PLCB1: variants seen among roughly 807,000 people sequenced by gnomAD.
PLCB1 encodes phospholipase C beta 1.
In PLCB1, 46 loss-of-function variants were observed where a neutral mutation model predicts 161.8. The ratio of observed to expected loss-of-function variants is 0.28; its 90% CI spans 0.22 to 0.36. PLCB1 has a LOEUF of 0.36. PLCB1 is among the 10% of genes least tolerant of loss of function. The pLI is 1.00. For synonymous variants in PLCB1, 517 were observed against 503.7 expected, an observed-to-expected ratio of 1.03 and a Z score of -0.35; for missense variants, 1,016 against 1,472.5, an observed-to-expected ratio of 0.69 and a Z score of 5.07.
At chr20:8,689,594 T>G (rs6039235) in intron 10 of PLCB1, among the ~76,000 whole-genome samples, 99,733 of 151,658 alleles carry the variant, frequency 0.66, 33,876 homozygotes, top group South Asian at 0.78. Flanking sequence ...TAACTCATTT[T>G]CTTTACTGAA....
At chr20:8,391,189 G>A (rs187273312) in intron 3 of PLCB1, among the ~76,000 whole-genome samples, 207 of 151,090 alleles carry the variant, frequency 1.4e-3, no homozygotes, top group Non-Finnish European at 2.2e-3. Context: ...CTATGTATAA[G>A]AGATTTATAC....
In PLCB1 at chr20:8,442,625, A is replaced by G. The variant is rs77920470; in HGVS notation, c.246+71175A>G. 4.4e-3 allele frequency among the ~76,000 whole-genome samples: 672 copies of G among 152,358 alleles called. 7 individuals carry two copies. The highest frequency in any genetic ancestry group is 0.015 in the African/African-American group (615 of 41,582). The stretch of plus-strand genomic sequence containing the variant: ...GCTCAGTCCAATGAATATCTGTAAC[A>G]AAGGGTTAGTGAAATCCCAGTCCAA... On this transcript the variant is annotated intron_variant, in intron 3 of 31. Transcript: ENST00000338037.
chr20:8,523,382 C>G (rs1203421511), intron 3 of PLCB1, among the ~76,000 whole-genome samples: 1 of 128,966 alleles, frequency 7.8e-6, no homozygotes, highest in Non-Finnish European at 1.6e-5. Flanking sequence ...TGCAAATGAT[C>G]CTGATCATAA....
intron 9 of PLCB1, among the ~76,000 whole-genome samples, chr20:8,661,031 C>T (rs1462978536): frequency 2.0e-5 from 3 of 152,118 alleles, no homozygotes; most frequent in Non-Finnish European, 4.4e-5. Flanking sequence ...ACCTGCAAAG[C>T]ATTTGGAAAG....
chr20:8,660,139 G>A (rs1448634892), intron 9 of PLCB1, among the ~76,000 whole-genome samples: 1 of 151,806 alleles, frequency 6.6e-6, no homozygotes, highest in African/African-American at 2.4e-5. Context: ...TGCCTTTGTT[G>A]TTGTTATCAT....
intron 4 of PLCB1, among the ~76,000 whole-genome samples, chr20:8,637,053 G>A (rs553410226): frequency 6.0e-5 from 9 of 150,454 alleles, no homozygotes; most frequent in South Asian, 4.2e-4. Flanking sequence ...AAAAATCACC[G>A]TGACTTTTTG....
intron 18 of PLCB1, among the ~76,000 whole-genome samples, chr20:8,730,091 A>G (rs1037562160): frequency 1.3e-5 from 2 of 151,830 alleles, no homozygotes; most frequent in Admixed American, 1.3e-4. Context: ...GTTGATTTAT[A>G]ACAGCACTTT....
intron 3 of PLCB1, among the ~76,000 whole-genome samples, chr20:8,396,723 C>T (rs552446853): frequency 3.9e-5 from 6 of 152,092 alleles, no homozygotes; most frequent in Non-Finnish European, 7.4e-5. Flanking sequence ...TATACACAAT[C>T]GTCTGTTTAT....
At chr20:8,603,788 C>A (rs1290439555) in intron 3 of PLCB1, among the ~76,000 whole-genome samples, 1 of 152,180 alleles carries the variant, frequency 6.6e-6, no homozygotes, top group Non-Finnish European at 1.5e-5. Flanking sequence ...ACATTAACAG[C>A]TTTCAATTTT....
intron 3 of PLCB1, among the ~76,000 whole-genome samples, chr20:8,456,957 G>A (rs1600414504): frequency 1.3e-5 from 2 of 152,272 alleles, no homozygotes; most frequent in South Asian, 4.1e-4. Flanking sequence ...TGGGGGTTAG[G>A]ATTTCAACAT....
intron 5 of PLCB1, among the ~76,000 whole-genome samples, chr20:8,647,036 T>G (rs533995733): frequency 1.3e-5 from 2 of 152,308 alleles, no homozygotes; most frequent in Admixed American, 1.3e-4. Context: ...ATGAATTCCT[T>G]TTGCTTTTAG....
At position 8,400,682 on chromosome 20, in the gene PLCB1, C is replaced by A. The variant is rs190387478; in HGVS notation, c.246+29232C>A. On this transcript the variant is annotated intron_variant, in intron 3 of 31. Transcript: ENST00000338037. ...TTAGCAATTTGTTGCAGAAATTATG[C>A]CGTGTCAGCACAAATACAAGTCCTC... Among the ~76,000 whole-genome samples the A allele has an allele frequency of 4.2e-4, 64 of 152,192 alleles. No homozygotes were observed. In the East Asian group the frequency reaches 0.011, roughly 26 times the overall value.
chr20:8,177,674 A>G (rs1380514150), intron 2 of PLCB1, among the ~76,000 whole-genome samples: 1 of 152,082 alleles, frequency 6.6e-6, no homozygotes, highest in Non-Finnish European at 1.5e-5. Flanking sequence ...TTGTTCTGGT[A>G]TGTGATTCAG....
intron 1 of PLCB1, 65 bp from the exon 2 acceptor site, chr20:8,150,229 A>T: frequency 1.5e-6 from 1 of 679,270 alleles, no homozygotes; most frequent in Non-Finnish European, 2.5e-6. Context: ...CTTCTTAAAT[A>T]ACTCCTGGAT....
chr20:8,148,737 C>A (rs2051479794), intron 1 of PLCB1, among the ~76,000 whole-genome samples: 1 of 152,194 alleles, frequency 6.6e-6, no homozygotes, highest in Admixed American at 6.5e-5. Context: ...GGAGATATGA[C>A]ACATGCTCCA....
rs1243067766 is a variant in PLCB1, at chr20:8,132,671, G to C, written c.20G>C (p.Gly7Ala). ...GCCCAGATGGCCGGGGCTCAACCCG[G>C]AGTGCACGCCTTGCAACTCAAGCCC... MAGAQP[G>A]VHALQLKPVC... The change falls in exon 1 of 32, where the codon GGA becomes GCA. Residue 7 changes from glycine (G) to alanine (A), a missense_variant. Transcript: ENST00000338037. The surrounding 1 kb of genome is among the most constrained non-coding windows in gnomAD (Gnocchi z 5.2). 1 of 1,612,204 alleles carries C rather than the reference G, an allele frequency of 6.2e-7. No individual in the cohort carries two copies. The highest frequency in any genetic ancestry group is 2.2e-5 in the East Asian group (1 of 44,784).
At chr20:8,728,514 G>A (rs904765940) in intron 17 of PLCB1, among the ~76,000 whole-genome samples, 4 of 152,032 alleles carry the variant, frequency 2.6e-5, no homozygotes, top group African/African-American at 9.7e-5. Context: ...TTGGCAAATA[G>A]CATTCCCAGA....
At chr20:8,275,956 C>T (rs1982523297) in intron 2 of PLCB1, among the ~76,000 whole-genome samples, 1 of 151,150 alleles carries the variant, frequency 6.6e-6, no homozygotes, top group Admixed American at 6.6e-5. Context: ...TAAGACAGAA[C>T]ATTCACACCT....
At chr20:8,712,888 C>T (rs1979095870) in intron 12 of PLCB1, among the ~76,000 whole-genome samples, 1 of 152,172 alleles carries the variant, frequency 6.6e-6, no homozygotes, top group African/African-American at 2.4e-5. Context: ...TTCCCTCTCA[C>T]TTTGTCCCCA....
Sources: gnomAD v4.1 joint callset for allele counts (sites outside exome capture counted in the v4.1 genomes callset) on GRCh38, gnomAD v4.1.1 for gene constraint, Gnocchi (gnomAD v3.1) non-coding constraint, MANE v1.5 for transcripts, NCBI Gene and HGNC (gene_info 2026-07-23, HGNC 2026-07-21) for gene names.